POLDIP3: variants seen among roughly 807,000 people sequenced by gnomAD.
POLDIP3 encodes the protein DNA polymerase delta interacting protein 3, also known as polymerase delta-interacting protein 3.
A neutral mutation model predicts 45.1 loss-of-function variants in POLDIP3; 14 were observed. That is an observed-to-expected ratio of 0.31 (90% CI 0.20 to 0.49). The LOEUF (loss-of-function observed/expected upper bound fraction) is 0.49. Among genes scored for constraint, POLDIP3 ranks in the 20% least tolerant of loss-of-function variants. The pLI is 0.99. For missense variants in POLDIP3, 511 were observed against 538.8 expected, an observed-to-expected ratio of 0.95 and a Z score of 0.51; for synonymous variants, 223 against 205.2, an observed-to-expected ratio of 1.09 and a Z score of -0.74.
chr22:42,594,075 C>T (rs746903482), intron 6 of POLDIP3, among the ~76,000 whole-genome samples: 2 of 152,144 alleles, frequency 1.3e-5, no homozygotes, highest in Non-Finnish European at 2.9e-5. Context: ...ACACGGCCAA[C>T]ATGGTGAAAC....
At chr22:42,614,559 A>ACCCTGTCCCCGCCGCGGCC (rs1226931536) in intron 1 of POLDIP3, among the ~76,000 whole-genome samples, 44 of 151,962 alleles carry the variant, frequency 2.9e-4, no homozygotes, top group Non-Finnish European at 5.6e-4. Flanking sequence ...ACGAGGCGGC[A>ACCCTGTCCCCGCCGCGGCC]CCCTGTCCCC....
chr22:42,585,270 G>A lies in POLDIP3; in HGVS notation c.*521C>T, dbSNP rs770633354. Reference sequence around the variant, plus strand: ...GGCCTGAGACCTGCTCCCCACCCAGGCACCTCCACTGACAAGACAGAGGAG... The same window carrying A: ...GGCCTGAGACCTGCTCCCCACCCAGACACCTCCACTGACAAGACAGAGGAG... On this transcript the variant is annotated 3_prime_UTR_variant, in exon 9 of 9. Transcript: ENST00000252115. The A allele has an allele frequency of 5.8e-6, 3 of 515,580 alleles. No homozygotes were observed. Among genetic ancestry groups the A allele is most frequent in the South Asian group, 2.8e-5 (2 of 70,584 alleles). The allele number at this position is 515,580 out of a possible 1,614,324, so 31.9% of individuals were successfully genotyped here.
At chr22:42,605,113 G>A (rs1416063973) in intron 1 of POLDIP3, among the ~76,000 whole-genome samples, 2 of 152,126 alleles carry the variant, frequency 1.3e-5, no homozygotes, top group African/African-American at 4.8e-5. Flanking sequence ...TGACAAGGAA[G>A]TTTCTTTTCT....
intron 7 of POLDIP3, among the ~76,000 whole-genome samples, chr22:42,590,134 G>C (rs1287158599): frequency 6.6e-6 from 1 of 152,142 alleles, no homozygotes; most frequent in Non-Finnish European, 1.5e-5. Context: ...GAAAATGAAG[G>C]CATGATATAC....
Position 42,584,176 on chromosome 22 carries a change from A to T in POLDIP3, c.*1615T>A, listed in dbSNP as rs41276339. The T allele has an allele frequency of 1.3e-5, 2 of 152,836 alleles. No homozygotes were observed. Among genetic ancestry groups the T allele is most frequent in the African/African-American group, 2.4e-5 (1 of 41,444 alleles). The allele number at this position is 152,836 out of a possible 1,614,324, so 9.5% of individuals were successfully genotyped here. ...GGATGCTCTCTTGGGCCAGGAAGGG[A>T]AAAGTGTGGGAGGAATGTCTTCCAG... On this transcript the variant is annotated 3_prime_UTR_variant, in exon 9 of 9. Transcript: ENST00000252115.
At chr22:42,613,334 C>T (rs1927244067) in intron 1 of POLDIP3, among the ~76,000 whole-genome samples, 1 of 152,174 alleles carries the variant, frequency 6.6e-6, no homozygotes, top group South Asian at 2.1e-4. Flanking sequence ...CAGGTAAGTG[C>T]TGGCTGCGAA....
At chr22:42,603,531 G>A (rs1380679386) in intron 1 of POLDIP3, 4 of 202,910 alleles carry the variant, frequency 2.0e-5, no homozygotes, top group South Asian at 8.3e-5. Flanking sequence ...AGTAACTTTA[G>A]TTTCCAAGGC....
chr22:42,591,861 C>T, intron 7 of POLDIP3, 94 bp downstream of exon 7: 1 of 1,535,838 alleles, frequency 6.5e-7, no homozygotes, highest in Non-Finnish European at 8.9e-7. Context: ...ATGGGTTCCA[C>T]CCATCTCACA....
intron 1 of POLDIP3, among the ~76,000 whole-genome samples, chr22:42,612,876 G>A (rs994705047): frequency 6.6e-6 from 1 of 152,090 alleles, no homozygotes; most frequent in African/African-American, 2.4e-5. Flanking sequence ...GCTCAACCAG[G>A]AATCACCATT....
intron 6 of POLDIP3, among the ~76,000 whole-genome samples, chr22:42,593,473 G>C (rs1286121236): frequency 6.6e-6 from 1 of 152,178 alleles, no homozygotes; most frequent in African/African-American, 2.4e-5. Context: ...CTGGCACATA[G>C]CAAGTACTCA....
At chr22:42,607,952 C>A (rs989240973) in intron 1 of POLDIP3, among the ~76,000 whole-genome samples, 4 of 150,472 alleles carry the variant, frequency 2.7e-5, no homozygotes, top group African/African-American at 9.8e-5. Context: ...GCAGCCCCCG[C>A]ACAGCCAGCC....
chr22:42,602,642 G>A, intron 2 of POLDIP3, 128 bp downstream of exon 2: 1 of 1,086,786 alleles, frequency 9.2e-7, no homozygotes, highest in Non-Finnish European at 1.3e-6. Context: ...CCTCTGTAAG[G>A]AGCAAAGTCT....
intron 3 of POLDIP3, 28 bp downstream of exon 3, chr22:42,601,942 C>T (rs1419269382): frequency 1.9e-6 from 3 of 1,598,336 alleles, no homozygotes; most frequent in Non-Finnish European, 2.6e-6. Flanking sequence ...CACAGATTCT[C>T]TCTCTCTCTC....
chr22:42,605,036 A>C (rs1926631389), intron 1 of POLDIP3, among the ~76,000 whole-genome samples: 1 of 152,244 alleles, frequency 6.6e-6, no homozygotes, highest in South Asian at 2.1e-4. Flanking sequence ...ACAACCAGGA[A>C]GCAGGCAGGC....
At chr22:42,600,825 C>G (rs1040304767) in intron 3 of POLDIP3, among the ~76,000 whole-genome samples, 1 of 152,066 alleles carries the variant, frequency 6.6e-6, no homozygotes, top group African/African-American at 2.4e-5. Flanking sequence ...CAAAATTAGC[C>G]AGGCGCGGTG....
Position 42,602,851 on chromosome 22 carries a change from C to T in POLDIP3, c.369G>A (p.Leu123=), listed in dbSNP as rs1461203250. 1 of 1,613,306 alleles carries T rather than the reference C, an allele frequency of 6.2e-7. No homozygotes were observed. The highest frequency in any genetic ancestry group is 8.5e-7 in the Non-Finnish European group (1 of 1,180,038). The change falls in exon 2 of 9, where the codon TTG becomes TTA. Residue 123 remains leucine (L), a synonymous_variant. Transcript: ENST00000252115. ...TGAAGGCAGCAGGGGAACTCCTCTT[C>T]AAGCTGATCTTCTCCCGGGCATCAG... ...QVADAREKIS[L]KRSSPAAFIN...
At position 42,584,768 on chromosome 22, in the gene POLDIP3, G is replaced by A. The variant is rs1444330825; in HGVS notation, c.*1023C>T. ...TGGATGGGGTCACTCACATAAGTGG[G>A]AACAAACAGTGCCCCTTGGTGGCAG... is the stretch of plus-strand genomic sequence containing the variant. On this transcript the variant is annotated 3_prime_UTR_variant, in exon 9 of 9. Transcript: ENST00000252115. 3 of 385,268 alleles carry A rather than the reference G, an allele frequency of 7.8e-6. No individual in the cohort carries two copies. Among genetic ancestry groups the A allele is most frequent in the Non-Finnish European group, 1.5e-5 (3 of 196,670 alleles). The allele number at this position is 385,268 out of a possible 1,614,324, so 23.9% of individuals were successfully genotyped here.
chr22:42,610,914 A>G (rs953652671), intron 1 of POLDIP3, among the ~76,000 whole-genome samples: 9 of 152,094 alleles, frequency 5.9e-5, no homozygotes, highest in African/African-American at 2.2e-4. Context: ...TCAAATAAAT[A>G]AAGGAAAAAA....
intron 1 of POLDIP3, among the ~76,000 whole-genome samples, chr22:42,613,907 T>A (rs1305700982): frequency 6.6e-6 from 1 of 152,254 alleles, no homozygotes; most frequent in Non-Finnish European, 1.5e-5. Flanking sequence ...TTCTCACTTC[T>A]TCATACAGAT....
Sources: allele counts gnomAD v4.1 joint callset (sites outside exome capture counted in the v4.1 genomes callset), GRCh38; gene constraint gnomAD v4.1.1; transcripts MANE v1.5; gene names NCBI Gene and HGNC (gene_info 2026-07-23, HGNC 2026-07-21).